CATSPERE: variants seen among roughly 807,000 people sequenced by gnomAD.
CATSPERE encodes cation channel sperm-associated auxiliary subunit epsilon.
In CATSPERE, 93 loss-of-function variants were observed where a neutral mutation model predicts 114.1. That is an observed-to-expected ratio of 0.81 (90% CI 0.69 to 0.97). CATSPERE has a LOEUF of 0.97. CATSPERE is among the 50% of genes least tolerant of loss of function. The probability of loss-of-function intolerance (pLI) is 0.00; values close to 1 mark genes in which losing one functional copy is unlikely to be tolerated. For missense variants in CATSPERE, 1,058 were observed against 1,131.6 expected (o/e 0.93, Z 0.93); for synonymous variants, 341 against 384.1 (o/e 0.89, Z 1.31).
intron 8 of CATSPERE, among the ~76,000 whole-genome samples, chr1:244,551,324 G>A (rs1255151057): frequency 6.6e-6 from 1 of 152,116 alleles, no homozygotes; most frequent in Non-Finnish European, 1.5e-5. Flanking sequence ...ACAAGTACTG[G>A]ATTATCTCTG....
At chr1:244,495,844 A>G (rs1386467650) in intron 6 of CATSPERE, among the ~76,000 whole-genome samples, 3 of 152,196 alleles carry the variant, frequency 2.0e-5, no homozygotes, top group African/African-American at 4.8e-5. Context: ...TTGGGGCTGT[A>G]AACAGATAAG....
At chr1:244,637,099 C>G (rs572137488) in intron 21 of CATSPERE, among the ~76,000 whole-genome samples, 1 of 152,244 alleles carries the variant, frequency 6.6e-6, no homozygotes, top group Non-Finnish European at 1.5e-5. Context: ...GAGTGGTGCT[C>G]TTTTCTTTCA....
At chr1:244,471,671 G>A (rs1668497710) in intron 2 of CATSPERE, among the ~76,000 whole-genome samples, 1 of 152,096 alleles carries the variant, frequency 6.6e-6, no homozygotes, top group South Asian at 2.1e-4. Flanking sequence ...CTTTCACTTG[G>A]CTTAGTGCTT....
At chr1:244,623,573 G>A (rs1219474034) in intron 20 of CATSPERE, among the ~76,000 whole-genome samples, 1 of 152,070 alleles carries the variant, frequency 6.6e-6, no homozygotes, top group Non-Finnish European at 1.5e-5. Flanking sequence ...CCTGTCACCA[G>A]ATGGCTGTCT....
Position 244,575,860 on chromosome 1 carries a change from A to C in CATSPERE, c.1950+3088A>C, listed in dbSNP as rs76032905. The stretch of plus-strand genomic sequence containing the variant: ...TTTCCTATTGCTGGAGGATTGTGTG[A>C]GGTTCAGTCTCTCCCTAATGGGGAT... On this transcript the variant is annotated intron_variant, in intron 11 of 21. Transcript: ENST00000366534. This position sits in a 1 kb window ranked among gnomAD's most constrained non-coding sequence, Gnocchi z 4.5. Among the ~76,000 whole-genome samples, 591 of 151,676 alleles carry C rather than the reference A, an allele frequency of 3.9e-3. 4 individuals are homozygous for C. The highest frequency in any genetic ancestry group is 0.014 in the African/African-American group (561 of 41,342).
intron 2 of CATSPERE, 67 bp from the exon 3 acceptor site, chr1:244,477,474 A>G: frequency 1.2e-6 from 1 of 852,950 alleles, no homozygotes; most frequent in Non-Finnish European, 1.9e-6. Context: ...ATTGAATCCT[A>G]CAACGGAACC....
At chr1:244,602,111 T>C (rs1030427036) in intron 17 of CATSPERE, among the ~76,000 whole-genome samples, 6 of 152,176 alleles carry the variant, frequency 3.9e-5, no homozygotes, top group African/African-American at 1.4e-4. Flanking sequence ...AGTAGTCTAC[T>C]GGAACAGCAC....
intron 10 of CATSPERE, among the ~76,000 whole-genome samples, chr1:244,565,450 T>G (rs1443980363): frequency 6.6e-6 from 1 of 152,184 alleles, no homozygotes; most frequent in East Asian, 1.9e-4. Context: ...TATTCAAGGA[T>G]TTGACTTCTT....
chr1:244,586,543 G>A lies in CATSPERE; in HGVS notation c.2086-1939G>A, dbSNP rs540963995. Among the ~76,000 whole-genome samples, 7 of 152,212 alleles carry A rather than the reference G, an allele frequency of 4.6e-5. No individual in the cohort carries two copies. The South Asian group carries it at 1.2e-3, about 27-fold the overall frequency. ...TCAGGCCCTGTGCTTGAAGTCAAGT[G>A]GTCCAGGAAATAAAATATGCACTCC... On this transcript the variant is annotated intron_variant, in intron 13 of 21. Coordinates refer to ENST00000366534, the MANE Select transcript of CATSPERE (RefSeq NM_001130957.2).
rs529668549 is a variant in CATSPERE, at chr1:244,575,008, G to A, written c.1950+2236G>A. ...TGATCTCTGTCTCTTTCAGTCTCTC[G>A]CTCACTTATTCTCTCCCTCTATCTC... is the stretch of plus-strand genomic sequence containing the variant. On this transcript the variant is annotated intron_variant, in intron 11 of 21. Coordinates refer to ENST00000366534, the MANE Select transcript of CATSPERE (RefSeq NM_001130957.2). This position sits in a 1 kb window ranked among gnomAD's most constrained non-coding sequence, Gnocchi z 4.5. Among the ~76,000 whole-genome samples the A allele has an allele frequency of 2.4e-4, 36 of 151,294 alleles. No individual in the cohort carries two copies. Among genetic ancestry groups the A allele is most frequent in the Non-Finnish European group, 3.1e-4 (21 of 67,888 alleles).
chr1:244,551,218 G>C (rs1413310685), intron 8 of CATSPERE, among the ~76,000 whole-genome samples: 2 of 152,162 alleles, frequency 1.3e-5, no homozygotes, highest in African/African-American at 2.4e-5. Flanking sequence ...ACAGGAAGGT[G>C]CTAAAGAATG....
chr1:244,490,433 C>G lies in CATSPERE; in HGVS notation c.327-14C>G, dbSNP rs764246270. 5 of 1,534,812 alleles carry G rather than the reference C, an allele frequency of 3.3e-6. No individual in the cohort carries two copies. In the Admixed American group the frequency reaches 7.0e-5, roughly 21 times the overall value. ...GGCTGTTTACTAAAATATGTTTCCT[C>G]TTTTTCCAAGCAGACATTTCTTTAA... is the stretch of plus-strand genomic sequence containing the variant. On this transcript the variant is annotated splice_polypyrimidine_tract_variant and intron_variant, in intron 5 of 21. Transcript: ENST00000366534.
upstream of CATSPERE, among the ~76,000 whole-genome samples, chr1:244,456,551 A>T (rs1188643133): frequency 6.6e-6 from 1 of 152,222 alleles, no homozygotes; most frequent in African/African-American, 2.4e-5. Context: ...TTTGGAAATA[A>T]AGACAGTTTT....
At chr1:244,563,407 C>G (rs947824377) in intron 10 of CATSPERE, among the ~76,000 whole-genome samples, 13 of 152,170 alleles carry the variant, frequency 8.5e-5, no homozygotes, top group African/African-American at 3.1e-4. Flanking sequence ...CCTATTTCTC[C>G]ACGTCCTCTC....
chr1:244,605,832 A>G, intron 18 of CATSPERE, 38 bp downstream of exon 18: 1 of 1,355,256 alleles, frequency 7.4e-7, no homozygotes, highest in Non-Finnish European at 1.0e-6. Context: ...TTTAGCATGC[A>G]ACTAGACAAT....
At chr1:244,587,447 C>T (rs901849758) in intron 13 of CATSPERE, among the ~76,000 whole-genome samples, 3 of 152,200 alleles carry the variant, frequency 2.0e-5, no homozygotes, top group African/African-American at 7.2e-5. Context: ...CATGGAACAG[C>T]CTGGCTATAT....
intron 5 of CATSPERE, 34 bp from the exon 6 acceptor site, chr1:244,490,412 GT>G: frequency 6.8e-7 from 1 of 1,466,278 alleles, no homozygotes; most frequent in Non-Finnish European, 9.5e-7. Flanking sequence ...TTAACAGGCT[GT>G]TTACTAAAAT....
In CATSPERE at chr1:244,579,809, T is replaced by C. The variant is rs148572196; in HGVS notation, c.1951-1987T>C. On this transcript the variant is annotated intron_variant, in intron 11 of 21. Transcript: ENST00000366534. ...AATCTGTAATTCTCTCATCAGTAAA[T>C]TGGGAATAATAGTAATGAAAGTAAC... is the stretch of plus-strand genomic sequence containing the variant. Among the ~76,000 whole-genome samples the C allele has an allele frequency of 1.1e-4, 17 of 152,304 alleles. No individual in the cohort carries two copies. The East Asian group carries it at 3.1e-3, about 28-fold the overall frequency.
At chr1:244,469,584 A>G (rs1400373205) in intron 2 of CATSPERE, among the ~76,000 whole-genome samples, 2 of 152,228 alleles carry the variant, frequency 1.3e-5, no homozygotes, top group Non-Finnish European at 2.9e-5. Flanking sequence ...AGGGGAAGAT[A>G]AACTATTTCT....
Sources: gnomAD v4.1 joint callset for allele counts (sites outside exome capture counted in the v4.1 genomes callset) on GRCh38, gnomAD v4.1.1 for gene constraint, Gnocchi (gnomAD v3.1) non-coding constraint, MANE v1.5 for transcripts, NCBI Gene and HGNC (gene_info 2026-07-23, HGNC 2026-07-21) for gene names.